The following EHMT2 variants were observed in gnomAD, a reference collection of about 807,000 sequenced individuals.
EHMT2 encodes the protein euchromatic histone lysine methyltransferase 2, also known as histone-lysine N-methyltransferase EHMT2.
In EHMT2, 59 loss-of-function variants were observed where a neutral mutation model predicts 143.3. That is an observed-to-expected ratio of 0.41 (90% CI 0.33 to 0.51). The LOEUF is 0.51. EHMT2 is among the 20% of genes least tolerant of loss of function. The pLI, the probability that EHMT2 is intolerant of heterozygous loss-of-function variation, is 0.18. For missense variants in EHMT2, 1,174 were observed against 1,645.9 expected, an observed-to-expected ratio of 0.71 and a Z score of 4.96; for synonymous variants, 604 against 651.5, an observed-to-expected ratio of 0.93 and a Z score of 1.11.
intron 7 of EHMT2, among the ~76,000 whole-genome samples, chr6:31,890,937 C>CA (rs1215356120): frequency 2.5e-4 from 38 of 150,408 alleles, no homozygotes; most frequent in Admixed American, 2.2e-3. Flanking sequence ...AGACCTAAGA[C>CA]AAAAAAAAAT....
intron 7 of EHMT2, among the ~76,000 whole-genome samples, chr6:31,890,873 A>AAAACAAAC (rs35603294): frequency 1.1e-4 from 17 of 150,230 alleles, no homozygotes; most frequent in Admixed American, 6.0e-4. Context: ...TCAAAAAACA[A>AAAACAAAC]AAACAAACAA....
rs770389130 is a variant in EHMT2, at chr6:31,892,541, G to A, written c.730C>T (p.Arg244Trp). ...GTCAGGGTCACTTCTCCTGAACGCC[G>A]GGCAGAACCTAACTCCTCTGACTAG... Residue 244 changes from arginine to tryptophan, a missense_variant, in exon 7 of 28, where the codon CGG (arginine) becomes TGG (tryptophan). Physicochemically the swap from Arg to Trp is moderately radical, Grantham distance 101. Transcript: ENST00000375537. 22 of 1,612,840 alleles carry A rather than the reference G, an allele frequency of 1.4e-5. No individual in the cohort carries two copies. The highest frequency in any genetic ancestry group is 1.3e-4 in the East Asian group (6 of 44,902).
At chr6:31,897,350 C>A in intron 1 of EHMT2, 1 of 475,218 alleles carries the variant, frequency 2.1e-6, no homozygotes. Context: ...CCGCTGCCCC[C>A]CAGCCCGGTG....
rs772036507 is a variant in EHMT2, at chr6:31,883,245, G to A, written c.2994+117C>T. 3.5e-6 allele frequency: 4 copies of A among 1,134,630 alleles called. No individual in the cohort carries two copies. The highest frequency in any genetic ancestry group is 5.1e-6 in the Non-Finnish European group (4 of 778,140). 70.3% of individuals were successfully genotyped at this position (1,134,630 alleles called of 1,614,324 possible). On this transcript the variant is annotated intron_variant, in intron 23 of 27. Coordinates refer to ENST00000375537, the Ensembl canonical transcript of EHMT2. This position sits in a 1 kb window ranked among gnomAD's most constrained non-coding sequence, Gnocchi z 5.6. ...TCCCAGGCCTTGCCCAGTCCTCTCAGTCACTTCCCCCACAGGGTAGGAGGT... is the reference window on the plus strand; with the variant it reads ...TCCCAGGCCTTGCCCAGTCCTCTCAATCACTTCCCCCACAGGGTAGGAGGT...
intron 4 of EHMT2, among the ~76,000 whole-genome samples, chr6:31,893,922 C>T (rs937639130): frequency 2.0e-5 from 3 of 152,112 alleles, no homozygotes; most frequent in Non-Finnish European, 4.4e-5. Flanking sequence ...CTGATGATTG[C>T]ACATGATGAA....
In EHMT2 at chr6:31,887,653, C is replaced by T. The variant is rs866191196; in HGVS notation, c.1935G>A (p.Lys645=). Residue 645 remains lysine, a synonymous_variant, in exon 15 of 28, where the codon AAG becomes AAA. Coordinates refer to ENST00000375537, the Ensembl canonical transcript of EHMT2. Reference sequence around the variant, plus strand: ...ACTGCCGAGGGTGGAAACGGAGCTTCTTCCGCCTGCCAAGGGAGCACGGGA... The same window carrying T: ...ACTGCCGAGGGTGGAAACGGAGCTTTTTCCGCCTGCCAAGGGAGCACGGGA... The T allele has an allele frequency of 3.1e-6, 5 of 1,612,946 alleles. No individual in the cohort carries two copies. In the Middle Eastern group the frequency reaches 8.2e-4, roughly 266 times the overall value.
chr6:31,887,036 C>T lies in EHMT2; in HGVS notation c.2077G>A (p.Ala693Thr), dbSNP rs531374602. ...CAGATCTCCACGGAGCCCTTCTGGG[C>T]GGCTGCATGCAGGGGCGTGCGCTTG... Residue 693 changes from alanine (A) to threonine (T), a missense_variant, in exon 16 of 28, where the codon GCC becomes ACC. By Grantham distance (58) the Ala-to-Thr change is moderately conservative (BLOSUM62 0). This residue lies in a region of EHMT2 where 608 missense variants were observed against 903.7 expected (regional missense o/e 0.67). Transcript: ENST00000375537. 2.7e-5 allele frequency: 44 copies of T among 1,613,710 alleles called. 1 individual carries two copies. Among genetic ancestry groups the T allele is most frequent in the South Asian group, 2.3e-4 (21 of 91,066 alleles).
intron 1 of EHMT2, 82 bp downstream of exon 1, chr6:31,897,554 C>A: frequency 9.2e-7 from 1 of 1,085,430 alleles, no homozygotes; most frequent in Non-Finnish European, 1.1e-6. Context: ...CCCCGTTGCA[C>A]CCCCGGAGCA....
rs762342925 is a variant in EHMT2, at chr6:31,888,694, G to A, written c.1270C>T (p.Pro424Ser). Residue 424 changes from proline to serine, a missense_variant, in exon 11 of 28, where the codon CCC becomes TCC. By Grantham distance (74) the Pro-to-Ser change is moderately conservative. Around this residue, in one of 6 missense-constraint regions of EHMT2, gnomAD observed 608 missense variants for 903.7 expected, o/e 0.67. Coordinates refer to ENST00000375537, the Ensembl canonical transcript of EHMT2. The surrounding 1 kb of genome is among the most constrained non-coding windows in gnomAD (Gnocchi z 7.4). ...GCCTCCATGCGGCAGCTGCACAGGGGCAACTCCTCAAACCCTCGCTCTGTC... is the reference window on the plus strand; with the variant it reads ...GCCTCCATGCGGCAGCTGCACAGGGACAACTCCTCAAACCCTCGCTCTGTC... 6.2e-7 allele frequency: 1 copy of A among 1,613,768 alleles called. No homozygotes were observed. Among genetic ancestry groups the A allele is most frequent in the South Asian group, 1.1e-5 (1 of 91,084 alleles).
Position 31,883,620 on chromosome 6 carries a change from G to T in EHMT2, c.2917-181C>A. On this transcript the variant is annotated intron_variant, in intron 22 of 27. Transcript: ENST00000375537. This position sits in a 1 kb window ranked among gnomAD's most constrained non-coding sequence, Gnocchi z 5.6. ...GGTGGTGTCCCCAGGGCTACTGGGAGCTCATATGATACCTTGCTGTGACCT... is the reference window on the plus strand; with the variant it reads ...GGTGGTGTCCCCAGGGCTACTGGGATCTCATATGATACCTTGCTGTGACCT... The T allele has an allele frequency of 9.9e-7, 1 of 1,011,358 alleles. No individual in the cohort carries two copies. The highest frequency in any genetic ancestry group is 1.5e-6 in the Non-Finnish European group (1 of 671,728). The allele number at this position is 1,011,358 out of a possible 1,614,324, so 62.6% of individuals were successfully genotyped here.
exon 16 of EHMT2, chr6:31,887,044 T>C (rs1334525171): frequency 3.1e-6 from 5 of 1,613,500 alleles, no homozygotes; most frequent in Non-Finnish European, 4.2e-6. Flanking sequence ...GGCGGCTGCA[T>C]GCAGGGGCGT....
chr6:31,889,245 C>T lies in EHMT2; in HGVS notation c.1097G>A (p.Arg366Gln), dbSNP rs773299833. The T allele has an allele frequency of 1.2e-5, 20 of 1,609,210 alleles. No homozygotes were observed. The highest frequency in any genetic ancestry group is 2.7e-5 in the African/African-American group (2 of 74,832). ...CTCCTCACCTCGTGGCTCCTTGGCC[C>T]GCGGAGGCTCCCGCTTGCGCCGTTT... The change falls in exon 9 of 28, where the codon CGG becomes CAG. Residue 366 changes from arginine (R) to glutamine (Q), a missense_variant. Arg to Gln is a conservative substitution (Grantham distance 43). Coordinates refer to ENST00000375537, the Ensembl canonical transcript of EHMT2. This position sits in a 1 kb window ranked among gnomAD's most constrained non-coding sequence, Gnocchi z 5.1.
chr6:31,892,590 C>A, intron 6 of EHMT2, 28 bp from the exon 7 acceptor site: 2 of 1,612,724 alleles, frequency 1.2e-6, no homozygotes, highest in Non-Finnish European at 8.5e-7. Flanking sequence ...AAATTGAGGC[C>A]ACTGACACCC....
intron 18 of EHMT2, 119 bp downstream of exon 18, chr6:31,886,462 T>A: frequency 1.3e-6 from 1 of 745,552 alleles, no homozygotes; most frequent in Non-Finnish European, 2.2e-6. Context: ...AAGAAAGCAA[T>A]GAGGACAGAC....
Position 31,883,429 on chromosome 6 carries a change from C to A in EHMT2, c.2927G>T (p.Cys976Phe). 1 of 1,612,730 alleles carries A rather than the reference C, an allele frequency of 6.2e-7. No homozygotes were observed. The highest frequency in any genetic ancestry group is 8.5e-7 in the Non-Finnish European group (1 of 1,179,852). ...GTTGGAGCTAGAGCAGTCGTCCACA[C>A]ACGTGCAGTGCTGGGGCGAGGAGGC... Residue 976 changes from cysteine to phenylalanine, a missense_variant, in exon 23 of 28, where the codon TGT becomes TTT. Transcript: ENST00000375537. This position sits in a 1 kb window ranked among gnomAD's most constrained non-coding sequence, Gnocchi z 5.6.
In EHMT2 at chr6:31,888,593, C is replaced by A. The variant is rs1484325147; in HGVS notation, c.1365+6G>T. 4.3e-6 allele frequency: 7 copies of A among 1,611,750 alleles called. No individual in the cohort carries two copies. The African/African-American group carries it at 8.0e-5, about 18-fold the overall frequency. ...TGGCACCTCTCCCACCAGCCCACGGCCCCACCTCTCCGTCCACACTCTCAG... is the reference window on the plus strand; with the variant it reads ...TGGCACCTCTCCCACCAGCCCACGGACCCACCTCTCCGTCCACACTCTCAG... On this transcript the variant is annotated splice_donor_region_variant and intron_variant, in intron 11 of 27. Transcript: ENST00000375537. This position sits in a 1 kb window ranked among gnomAD's most constrained non-coding sequence, Gnocchi z 7.4.
chr6:31,894,132 G>T (rs190863834), intron 4 of EHMT2, among the ~76,000 whole-genome samples: 1 of 151,300 alleles, frequency 6.6e-6, no homozygotes, highest in East Asian at 1.9e-4. Flanking sequence ...ATGCCACCAC[G>T]CCCGGCTAAT....
intron 1 of EHMT2, 148 bp from the exon 2 acceptor site, chr6:31,897,137 C>A: frequency 7.3e-7 from 1 of 1,366,052 alleles, no homozygotes; most frequent in African/African-American, 1.5e-5. Context: ...CTCGGCTGCC[C>A]GGAGGGGCCG....
rs1763936197 is a variant in EHMT2 at position 31,880,319 on chromosome 6, C to T, written c.3453-55G>A. 1.9e-6 allele frequency: 3 copies of T among 1,578,348 alleles called. No homozygotes were observed. The highest frequency in any genetic ancestry group is 1.1e-5 in the South Asian group (1 of 88,186). On this transcript the variant is annotated intron_variant, in intron 27 of 27. Transcript: ENST00000375537. The surrounding 1 kb of genome is among the most constrained non-coding windows in gnomAD (Gnocchi z 6.6). ...CCTGGACCCAGCCACCAAGAGCCCA[C>T]CCCGAAGACCCTGTGGATCCTGCTC...
Sources: allele counts gnomAD v4.1 joint callset (sites outside exome capture counted in the v4.1 genomes callset), GRCh38; gene constraint gnomAD v4.1.1; regional missense constraint gnomAD v4.1.1; non-coding constraint Gnocchi (gnomAD v3.1); transcripts MANE v1.5; gene names NCBI Gene and HGNC (gene_info 2026-07-23, HGNC 2026-07-21).